The following CDKN3 variants were observed in gnomAD, a reference collection of about 807,000 sequenced individuals.
The protein encoded by CDKN3 is cyclin-dependent kinase inhibitor 3.
In CDKN3, 19 loss-of-function variants were observed where a neutral mutation model predicts 36.1. The observed-to-expected ratio is 0.53, with a 90% CI of 0.37 to 0.77. CDKN3 has a LOEUF of 0.77. Among genes scored for constraint, CDKN3 ranks in the 30% least tolerant of loss-of-function variants. The pLI, the probability that CDKN3 is intolerant of heterozygous loss-of-function variation, is 0.00. For synonymous variants in CDKN3, 71 were observed against 85.3 expected, an observed-to-expected ratio of 0.83 and a Z score of 0.92; for missense variants, 188 against 248.6, an observed-to-expected ratio of 0.76 and a Z score of 1.64.
At chr14:54,400,452 T>C (rs2029900923) in intron 2 of CDKN3, among the ~76,000 whole-genome samples, 1 of 152,186 alleles carries the variant, frequency 6.6e-6, no homozygotes, top group African/African-American at 2.4e-5. Context: ...GTCACAGTAA[T>C]GCATCTATCA....
intron 7 of CDKN3, 154 bp downstream of exon 7, chr14:54,418,105 T>A: frequency 1.4e-6 from 1 of 692,274 alleles, no homozygotes; most frequent in Non-Finnish European, 2.7e-6. Flanking sequence ...TTGCTTATGC[T>A]TTTAGTTTTT....
At chr14:54,407,871 G>A (rs78846029) in intron 3 of CDKN3, among the ~76,000 whole-genome samples, 4 of 152,256 alleles carry the variant, frequency 2.6e-5, no homozygotes, top group Non-Finnish European at 4.4e-5. Context: ...CTGTCTTGCT[G>A]GCATTCCAAG....
intron 3 of CDKN3, among the ~76,000 whole-genome samples, chr14:54,404,675 T>C (rs1030507593): frequency 4.6e-5 from 7 of 151,920 alleles, no homozygotes; most frequent in Non-Finnish European, 1.0e-4. Flanking sequence ...CCCGGGTTCA[T>C]GCCATTCTCC....
rs2139992964 is a variant in CDKN3, at chr14:54,420,210, T to C, written c.*132T>C. ...ATGTGCAGATATTCCTAAAGTTTTA[T>C]TGACAAAACTCGTTGTGTCTCTTTC... On this transcript the variant is annotated 3_prime_UTR_variant, in exon 8 of 8. Coordinates refer to ENST00000335183, the MANE Select transcript of CDKN3 (RefSeq NM_005192.4). The C allele has an allele frequency of 6.0e-6, 3 of 503,046 alleles. No homozygotes were observed. Among genetic ancestry groups the C allele is most frequent in the South Asian group, 3.9e-5 (1 of 25,702 alleles). The allele number at this position is 503,046 out of a possible 1,614,324, so 31.2% of individuals were successfully genotyped here. A position where few individuals can be genotyped will look rare whatever the true frequency, so the allele number is the denominator to read the frequency against.
In CDKN3 at chr14:54,399,764, C is replaced by T. The variant is rs970337317; in HGVS notation, c.10-130C>T. On this transcript the variant is annotated intron_variant, in intron 1 of 7. Coordinates refer to ENST00000335183, the MANE Select transcript of CDKN3 (RefSeq NM_005192.4). ...CATTTATTATTAATATTGCTGATCT[C>T]GTTAATATTCTGGATTGATGGCTGA... 1.5e-5 allele frequency: 10 copies of T among 663,242 alleles called. No homozygotes were observed. In the Admixed American group the frequency reaches 2.7e-4, roughly 18 times the overall value. 41.1% of individuals were successfully genotyped at this position (663,242 alleles called of 1,614,324 possible).
chr14:54,400,583 C>G (rs1204531527), intron 2 of CDKN3, among the ~76,000 whole-genome samples: 1 of 152,182 alleles, frequency 6.6e-6, no homozygotes, highest in Non-Finnish European at 1.5e-5. Flanking sequence ...AATGAGCAAT[C>G]AAATGCTTTC....
intron 4 of CDKN3, among the ~76,000 whole-genome samples, chr14:54,409,346 A>T (rs945053102): frequency 1.3e-5 from 2 of 152,218 alleles, no homozygotes; most frequent in African/African-American, 4.8e-5. Flanking sequence ...GCATGATACT[A>T]ACAAATGTGG....
intron 7 of CDKN3, 57 bp from the exon 8 acceptor site, chr14:54,419,935 C>A: frequency 1.1e-6 from 1 of 941,574 alleles, no homozygotes; most frequent in African/African-American, 1.6e-5. Context: ...TAATATTGTG[C>A]CCACACTGAT....
At chr14:54,401,673 G>C in intron 3 of CDKN3, 94 bp downstream of exon 3, 3 of 926,076 alleles carry the variant, frequency 3.2e-6, no homozygotes, top group Admixed American at 5.1e-5. Flanking sequence ...GTGGTGTTTG[G>C]TTACATAAAT....
At chr14:54,401,484 A>T in intron 2 of CDKN3, 40 bp from the exon 3 acceptor site, 1 of 1,440,472 alleles carries the variant, frequency 6.9e-7, no homozygotes, top group Non-Finnish European at 9.7e-7. Flanking sequence ...ATAACTTTTT[A>T]AAAACTTAAC....
chr14:54,404,568 CTTAG>C (rs916616147), intron 3 of CDKN3, among the ~76,000 whole-genome samples: 2 of 151,818 alleles, frequency 1.3e-5, no homozygotes, highest in Admixed American at 6.6e-5. Flanking sequence ...CTGCTCTGAT[CTTAG>C]TTAGTTCTTT....
At chr14:54,397,346 C>T (rs1012627075) in intron 1 of CDKN3, among the ~76,000 whole-genome samples, 4 of 152,268 alleles carry the variant, frequency 2.6e-5, no homozygotes, top group African/African-American at 7.2e-5. Flanking sequence ...TCTCATAAGC[C>T]TCCCAGCCGC....
chr14:54,407,267 C>T (rs12586890), intron 3 of CDKN3, among the ~76,000 whole-genome samples: 33,168 of 152,178 alleles, frequency 0.22, 3,836 homozygotes, highest in East Asian at 0.36. Context: ...TTCTCCTGTA[C>T]GAAGTGTCTG....
chr14:54,414,763 G>T (rs1041205534), intron 5 of CDKN3, among the ~76,000 whole-genome samples: 2 of 141,510 alleles, frequency 1.4e-5, no homozygotes, highest in African/African-American at 5.3e-5. Flanking sequence ...TGCCAAAGCT[G>T]GTCTTAAACT....
chr14:54,400,618 C>T (rs959898093), intron 2 of CDKN3, among the ~76,000 whole-genome samples: 1 of 152,170 alleles, frequency 6.6e-6, no homozygotes, highest in African/African-American at 2.4e-5. Context: ...ATATAATAGT[C>T]TCTCTTCTTA....
chr14:54,409,956 C>A (rs1410081340), intron 4 of CDKN3, among the ~76,000 whole-genome samples: 1 of 151,706 alleles, frequency 6.6e-6, no homozygotes, highest in African/African-American at 2.4e-5. Context: ...AGATAGTTGA[C>A]CCTTATAGTA....
chr14:54,413,010 T>C lies in CDKN3; in HGVS notation c.416+1304T>C, dbSNP rs562961580. On this transcript the variant is annotated intron_variant, in intron 5 of 7. Transcript: ENST00000335183. ...TTAAACCTATAGCCCAGGGGCCTCA[T>C]GCCAACAGTGTCAGTTCTGAAGGCA... 43 of 401,898 alleles carry C rather than the reference T, an allele frequency of 1.1e-4. 1 individual carries two copies. Among genetic ancestry groups the C allele is most frequent in the South Asian group, 7.5e-4 (43 of 57,380 alleles). The allele number at this position is 401,898 out of a possible 1,614,324, so 24.9% of individuals were successfully genotyped here.
Position 54,411,354 on chromosome 14 carries a change from C to T in CDKN3, c.194-130C>T, listed in dbSNP as rs1594605957. The T allele has an allele frequency of 4.4e-6, 3 of 674,542 alleles. No individual in the cohort carries two copies. In the East Asian group the frequency reaches 8.1e-5, roughly 18 times the overall value. 41.8% of individuals were successfully genotyped at this position (674,542 alleles called of 1,614,324 possible). A position where few individuals can be genotyped will look rare whatever the true frequency, so the allele number is the denominator to read the frequency against. On this transcript the variant is annotated intron_variant, in intron 4 of 7. Transcript: ENST00000335183. ...GATTCAGACATATCAATAGGCACTTCAGATTTATAGATTGTCATTTGGTAT... is the reference window on the plus strand; with the variant it reads ...GATTCAGACATATCAATAGGCACTTTAGATTTATAGATTGTCATTTGGTAT...
At chr14:54,401,774 C>G (rs113527892) in intron 3 of CDKN3, among the ~76,000 whole-genome samples, 195 bp downstream of exon 3, 4 of 152,218 alleles carry the variant, frequency 2.6e-5, no homozygotes, top group African/African-American at 9.6e-5. Flanking sequence ...TATCCTTCAT[C>G]CCCCTTCCAC....
Sources: allele counts gnomAD v4.1 joint callset (sites outside exome capture counted in the v4.1 genomes callset), GRCh38; gene constraint gnomAD v4.1.1; transcripts MANE v1.5; gene names NCBI Gene and HGNC (gene_info 2026-07-23, HGNC 2026-07-21).